Variants in CHCHD3 observed in about 807,000 individuals in gnomAD.
The protein encoded by CHCHD3 is MICOS complex subunit MIC19.
A neutral mutation model predicts 38.2 loss-of-function variants in CHCHD3; 20 were observed. The observed-to-expected ratio is 0.52, with a 90% CI of 0.37 to 0.76. CHCHD3 has a LOEUF of 0.76. Ranked by LOEUF, CHCHD3 falls within the 30% of genes least tolerant of loss-of-function variation. CHCHD3 has a pLI of 0.00. For missense variants in CHCHD3, 245 were observed against 279.2 expected, an observed-to-expected ratio of 0.88 and a Z score of 0.87; for synonymous variants, 82 against 100.0, an observed-to-expected ratio of 0.82 and a Z score of 1.07.
chr7:132,872,991 C>T (rs542984547), intron 5 of CHCHD3, among the ~76,000 whole-genome samples: 16 of 152,126 alleles, frequency 1.1e-4, no homozygotes, highest in African/African-American at 3.9e-4. Context: ...ACTCGGGAGG[C>T]TGAGGCAGCA....
intron 2 of CHCHD3, among the ~76,000 whole-genome samples, chr7:133,037,771 C>CCA (rs1450193607): frequency 6.6e-6 from 1 of 152,116 alleles, no homozygotes; most frequent in Non-Finnish European, 1.5e-5. Context: ...CGAGAACACG[C>CCA]CACTGCACTC....
intron 6 of CHCHD3, among the ~76,000 whole-genome samples, chr7:132,820,484 T>A (rs1023331018): frequency 6.6e-6 from 1 of 152,132 alleles, no homozygotes; most frequent in African/African-American, 2.4e-5. Flanking sequence ...CCTTTCTCAC[T>A]CTCTATAGGA....
At chr7:132,906,836 T>C (rs1466272511) in intron 4 of CHCHD3, among the ~76,000 whole-genome samples, 1 of 152,176 alleles carries the variant, frequency 6.6e-6, no homozygotes, top group East Asian at 1.9e-4. Flanking sequence ...AAACTATTAA[T>C]TGATCTACTA....
At chr7:132,795,637 A>T (rs1806589002) in intron 7 of CHCHD3, among the ~76,000 whole-genome samples, 1 of 152,218 alleles carries the variant, frequency 6.6e-6, no homozygotes, top group Non-Finnish European at 1.5e-5. Flanking sequence ...TGTGTAACTT[A>T]AACACTAGAT....
intron 2 of CHCHD3, among the ~76,000 whole-genome samples, chr7:133,047,210 C>CA: frequency 6.6e-6 from 1 of 151,980 alleles, no homozygotes; most frequent in East Asian, 1.9e-4. Flanking sequence ...GAATTTAACC[C>CA]AAAAAATGTT....
rs1813854280 is a variant in CHCHD3, at chr7:133,042,263, T to C, written c.170-17636A>G. Among the ~76,000 whole-genome samples the C allele has an allele frequency of 2.0e-5, 3 of 152,220 alleles. No homozygotes were observed. The South Asian group carries it at 6.2e-4, about 32-fold the overall frequency. ...GAGCAATATTTATACTTTTACAATC[T>C]TAAAAAGGCTTCTCTTCATCACACT... On this transcript the variant is annotated intron_variant, in intron 2 of 7. Coordinates refer to ENST00000262570, the MANE Select transcript of CHCHD3 (RefSeq NM_017812.4).
chr7:133,025,514 T>C (rs553989158), intron 2 of CHCHD3, among the ~76,000 whole-genome samples: 2 of 152,298 alleles, frequency 1.3e-5, no homozygotes, highest in Non-Finnish European at 2.9e-5. Context: ...TTCTCTTTGT[T>C]TGTTTGTTGA....
intron 5 of CHCHD3, among the ~76,000 whole-genome samples, chr7:132,878,197 C>T (rs1473159308): frequency 3.9e-5 from 6 of 152,174 alleles, no homozygotes; most frequent in Non-Finnish European, 8.8e-5. Flanking sequence ...CAGACTTCAC[C>T]TGGTAGTAAA....
rs1307340488 is a variant in CHCHD3, at chr7:133,035,130, T to C, written c.170-10503A>G. ...AGCAGCCAGCGCCTGCTCACATTCA[T>C]CCATCTCCTCCTCAGGAGCAGGGGC... On this transcript the variant is annotated intron_variant, in intron 2 of 7. Transcript: ENST00000262570. This position sits in a 1 kb window ranked among gnomAD's most constrained non-coding sequence, Gnocchi z 4.7. 3 of 1,613,674 alleles carry C rather than the reference T, an allele frequency of 1.9e-6. No homozygotes were observed. The Admixed American group carries it at 5.0e-5, about 27-fold the overall frequency.
chr7:133,001,119 T>G (rs1251292241), intron 3 of CHCHD3, among the ~76,000 whole-genome samples: 3 of 152,206 alleles, frequency 2.0e-5, no homozygotes, highest in Admixed American at 6.5e-5. Context: ...CTGCAAGGCC[T>G]GTGTTTAACC....
At chr7:132,897,581 C>T (rs1809532931) in intron 4 of CHCHD3, among the ~76,000 whole-genome samples, 1 of 152,206 alleles carries the variant, frequency 6.6e-6, no homozygotes, top group African/African-American at 2.4e-5. Context: ...ACTCCTGCCT[C>T]TTGACAGCAG....
intron 1 of CHCHD3, among the ~76,000 whole-genome samples, chr7:133,078,856 C>T (rs1413676915): frequency 1.3e-5 from 2 of 152,186 alleles, no homozygotes; most frequent in South Asian, 2.1e-4. Flanking sequence ...AAAGTTGGAA[C>T]GTTTTCTTCA....
chr7:132,919,660 T>C (rs1279062517), intron 4 of CHCHD3, among the ~76,000 whole-genome samples: 1 of 152,184 alleles, frequency 6.6e-6, no homozygotes, highest in Admixed American at 6.5e-5. Context: ...GTCACACGCC[T>C]CTATAAACAA....
At chr7:132,915,928 GT>G (rs938011385) in intron 4 of CHCHD3, among the ~76,000 whole-genome samples, 12 of 148,804 alleles carry the variant, frequency 8.1e-5, no homozygotes, top group Admixed American at 6.7e-4. Flanking sequence ...GGTGAGTTTG[GT>G]TTTTTTTTAA....
intron 5 of CHCHD3, among the ~76,000 whole-genome samples, chr7:132,863,355 TG>T (rs1224799075): frequency 6.6e-6 from 1 of 152,140 alleles, no homozygotes; most frequent in Non-Finnish European, 1.5e-5. Flanking sequence ...AAATGGAAAA[TG>T]TTTTTTGTGA....
intron 4 of CHCHD3, among the ~76,000 whole-genome samples, chr7:132,949,396 C>A (rs1011321996): frequency 1.3e-5 from 2 of 152,092 alleles, no homozygotes; most frequent in Non-Finnish European, 2.9e-5. Flanking sequence ...AGATACTGAG[C>A]TTTCTTGGAC....
Position 133,017,436 on chromosome 7 carries a change from C to T in CHCHD3, c.251+7110G>A, listed in dbSNP as rs577700186. The stretch of plus-strand genomic sequence containing the variant: ...AATGACTGAGTACATTAAAACTCCA[C>T]ATCCCCAGACCAAAAAGTAATGGAG... On this transcript the variant is annotated intron_variant, in intron 3 of 7. Coordinates refer to ENST00000262570, the MANE Select transcript of CHCHD3 (RefSeq NM_017812.4). Among the ~76,000 whole-genome samples, 11 of 152,344 alleles carry T rather than the reference C, an allele frequency of 7.2e-5. No homozygotes were observed. The South Asian group carries it at 2.1e-3, about 29-fold the overall frequency.
chr7:133,017,803 G>A (rs565114653), intron 3 of CHCHD3, among the ~76,000 whole-genome samples: 1 of 152,210 alleles, frequency 6.6e-6, no homozygotes, highest in Non-Finnish European at 1.5e-5. Flanking sequence ...AAAACAATAA[G>A]AATAAAACAG....
chr7:132,984,950 C>T (rs1410172824), intron 3 of CHCHD3, among the ~76,000 whole-genome samples: 8 of 75,296 alleles, frequency 1.1e-4, no homozygotes, highest in South Asian at 4.7e-4. Flanking sequence ...AGGTGAGGGG[C>T]GCCTCTGCCC....
Sources: gnomAD v4.1 joint callset for allele counts (sites outside exome capture counted in the v4.1 genomes callset) on GRCh38, gnomAD v4.1.1 for gene constraint, Gnocchi (gnomAD v3.1) non-coding constraint, MANE v1.5 for transcripts, NCBI Gene and HGNC (gene_info 2026-07-23, HGNC 2026-07-21) for gene names.